The following SPIDR variants were observed in gnomAD, a reference collection of about 807,000 sequenced individuals.
SPIDR encodes the protein scaffold protein involved in DNA repair, also known as DNA repair-scaffolding protein.
Under a neutral mutation model 104.6 loss-of-function variants are expected in SPIDR, and 93 were observed. That is an observed-to-expected ratio of 0.89 (90% CI 0.75 to 1.06). The LOEUF (loss-of-function observed/expected upper bound fraction) is 1.06, where lower values mean the gene tolerates loss of function less well. Among genes scored for constraint, SPIDR ranks in the 50% least tolerant of loss-of-function variants. The pLI is 0.00. For synonymous variants in SPIDR, 431 were observed against 416.9 expected (o/e 1.03, Z -0.41); for missense variants, 1,154 against 1,111.2 (o/e 1.04, Z -0.55).
At chr8:47,361,356 G>C (rs542301898) in intron 5 of SPIDR, among the ~76,000 whole-genome samples, 14 of 152,344 alleles carry the variant, frequency 9.2e-5, no homozygotes, top group African/African-American at 2.9e-4. Flanking sequence ...AGTGCTGCTG[G>C]TTTGTGGATC....
chr8:47,422,423 A>G lies in SPIDR; in HGVS notation c.877+14462A>G, dbSNP rs368497807. Among the ~76,000 whole-genome samples the G allele has an allele frequency of 2.2e-3, 339 of 152,302 alleles. 1 individual carries two copies. The highest frequency in any genetic ancestry group is 8.5e-3 in the East Asian group (44 of 5,180). On this transcript the variant is annotated intron_variant, in intron 7 of 19. Coordinates refer to ENST00000297423, the MANE Select transcript of SPIDR (RefSeq NM_001080394.4). ...CCCTCCGAGCCACGTGCGGGATACA[A>G]TCTCCTGGTGTGCCATTTGCTAAGA...
chr8:47,409,046 C>T (rs1554669353), intron 7 of SPIDR, among the ~76,000 whole-genome samples: 5 of 152,180 alleles, frequency 3.3e-5, no homozygotes, highest in South Asian at 4.1e-4. Flanking sequence ...ATTAGCTGGG[C>T]GTGGTGGTGC....
At chr8:47,296,944 T>C (rs2040952828) in intron 5 of SPIDR, among the ~76,000 whole-genome samples, 2 of 152,224 alleles carry the variant, frequency 1.3e-5, no homozygotes, top group South Asian at 4.1e-4. Context: ...AGTATATACA[T>C]CTATTGCCTC....
chr8:47,549,279 A>G (rs1044288489), intron 8 of SPIDR, among the ~76,000 whole-genome samples: 2 of 152,198 alleles, frequency 1.3e-5, no homozygotes, highest in Non-Finnish European at 2.9e-5. Context: ...CTTTGGGTAT[A>G]TACCCAGTAA....
chr8:47,617,112 C>G (rs896940882), intron 10 of SPIDR, among the ~76,000 whole-genome samples: 1 of 152,078 alleles, frequency 6.6e-6, no homozygotes, highest in African/African-American at 2.4e-5. Context: ...TTCATTACAT[C>G]CTATCAAAGG....
In SPIDR at chr8:47,407,841, C is replaced by CA. The variant is rs782262706; in HGVS notation, c.777-19dup. ...GTTTTCCTTTTAACTAAACTTAATA[C>CA]ATTATAATTCATTAAACAGAGGTGG... On this transcript the variant is annotated intron_variant, in intron 6 of 19. Transcript: ENST00000297423. 5 of 1,461,704 alleles carry CA rather than the reference C, an allele frequency of 3.4e-6. No homozygotes were observed. In the East Asian group the frequency reaches 9.2e-5, roughly 27 times the overall value. The allele number at this position is 1,461,704 out of a possible 1,614,324, so 90.5% of individuals were successfully genotyped here. A position where few individuals can be genotyped will look rare whatever the true frequency, so the allele number is the denominator to read the frequency against.
chr8:47,630,275 A>T (rs961660102), intron 10 of SPIDR, among the ~76,000 whole-genome samples: 2 of 152,202 alleles, frequency 1.3e-5, no homozygotes, highest in African/African-American at 4.8e-5. Context: ...AGAAGGAAAA[A>T]CATGTAAAAT....
At chr8:47,358,258 TA>T (rs1207715549) in intron 5 of SPIDR, among the ~76,000 whole-genome samples, 1 of 152,018 alleles carries the variant, frequency 6.6e-6, no homozygotes, top group African/African-American at 2.4e-5. Flanking sequence ...CTAATTTTTA[TA>T]AAAAGTTTTA....
chr8:47,308,486 CT>C (rs2043516547), intron 5 of SPIDR, among the ~76,000 whole-genome samples: 1 of 151,824 alleles, frequency 6.6e-6, no homozygotes, highest in South Asian at 2.1e-4. Flanking sequence ...TTTTCTAAGC[CT>C]GAGTTTTTCT....
Position 47,291,037 on chromosome 8 carries a change from C to T in SPIDR, c.261C>T (p.Thr87=). 2 of 1,605,776 alleles carry T rather than the reference C, an allele frequency of 1.2e-6. No individual in the cohort carries two copies. The change falls in exon 4 of 20, where the codon ACC becomes ACT. Residue 87 remains threonine (T), a synonymous_variant. Coordinates refer to ENST00000297423, the MANE Select transcript of SPIDR (RefSeq NM_001080394.4). ...LELCPRPKQE[T]TTSKSTSGLT... is the part of the protein sequence containing the mutation. ...TGCTTTCTTTTCCTTCAACAGAAAC[C>T]ACCACATCTAAAAGCACCAGTGGGC... is the stretch of plus-strand genomic sequence containing the variant.
At chr8:47,330,789 A>G (rs1554603999) in intron 5 of SPIDR, 3 of 456,212 alleles carry the variant, frequency 6.6e-6, no homozygotes, top group East Asian at 6.9e-5. Context: ...GGTTTTGGCA[A>G]TTATGATTGA....
At chr8:47,310,333 C>CAAAAAAA (rs1166703089) in intron 5 of SPIDR, among the ~76,000 whole-genome samples, 1 of 54,876 alleles carries the variant, frequency 1.8e-5, no homozygotes, top group Non-Finnish European at 4.0e-5. Context: ...GACTCCATCT[C>CAAAAAAA]AAAAAAAAAA....
chr8:47,721,798 G>A (rs527450367), intron 16 of SPIDR, among the ~76,000 whole-genome samples: 4 of 152,314 alleles, frequency 2.6e-5, no homozygotes, highest in African/African-American at 7.2e-5. Flanking sequence ...TTTAAGTCTT[G>A]AAGTCGGGTA....
intron 5 of SPIDR, among the ~76,000 whole-genome samples, chr8:47,302,610 C>T (rs1554578300): frequency 1.3e-5 from 2 of 152,184 alleles, no homozygotes; most frequent in African/African-American, 2.4e-5. Flanking sequence ...TGGTGACGTA[C>T]AGATGGGGTT....
chr8:47,499,302 G>T (rs2079953541), intron 8 of SPIDR, among the ~76,000 whole-genome samples: 1 of 152,128 alleles, frequency 6.6e-6, no homozygotes, highest in East Asian at 1.9e-4. Context: ...TTAGAATATA[G>T]ACTGGTATCA....
In SPIDR at chr8:47,735,456, G is replaced by C. The variant is rs753712002; in HGVS notation, c.*6G>C. The C allele has an allele frequency of 1.2e-6, 2 of 1,614,066 alleles. No homozygotes were observed. Among genetic ancestry groups the C allele is most frequent in the Non-Finnish European group, 1.7e-6 (2 of 1,180,050 alleles). ...GGGCCTCTGCAGAACACTAGCGGTTGCCGCAGGATCTGTGAACTTTGCAAT... is the reference window on the plus strand; with the variant it reads ...GGGCCTCTGCAGAACACTAGCGGTTCCCGCAGGATCTGTGAACTTTGCAAT... On this transcript the variant is annotated 3_prime_UTR_variant, in exon 20 of 20. Transcript: ENST00000297423.
chr8:47,518,520 G>A (rs374306803), intron 8 of SPIDR, among the ~76,000 whole-genome samples: 2 of 152,102 alleles, frequency 1.3e-5, no homozygotes, highest in Admixed American at 6.5e-5. Flanking sequence ...TCTAGACGCT[G>A]TGCTGAAGGC....
intron 11 of SPIDR, among the ~76,000 whole-genome samples, chr8:47,695,243 ACTAGT>A (rs1156584070): frequency 5.3e-5 from 8 of 152,128 alleles, no homozygotes; most frequent in Non-Finnish European, 1.0e-4. Flanking sequence ...TTTAAGAATG[ACTAGT>A]CTAAAGTATT....
At chr8:47,672,198 T>C (rs1284244251) in intron 10 of SPIDR, among the ~76,000 whole-genome samples, 2 of 152,224 alleles carry the variant, frequency 1.3e-5, no homozygotes, top group Non-Finnish European at 2.9e-5. Context: ...TCAGTTCAAG[T>C]AATCCTCCCA....
Sources: allele counts gnomAD v4.1 joint callset (sites outside exome capture counted in the v4.1 genomes callset), GRCh38; gene constraint gnomAD v4.1.1; transcripts MANE v1.5; gene names NCBI Gene and HGNC (gene_info 2026-07-23, HGNC 2026-07-21).